The following PDILT variants were observed in gnomAD, a reference collection of about 807,000 sequenced individuals.
The protein encoded by PDILT is protein disulfide-isomerase-like protein of the testis.
PDILT carries 43 observed loss-of-function variants against 53.7 expected under a neutral mutation model. The observed-to-expected ratio is 0.80, with a 90% CI of 0.63 to 1.03. The LOEUF (loss-of-function observed/expected upper bound fraction) is 1.03. Ranked by LOEUF, PDILT falls within the 50% of genes least tolerant of loss-of-function variation. The pLI, the probability that PDILT is intolerant of heterozygous loss-of-function variation, is 0.00. For synonymous variants in PDILT, 282 were observed against 274.2 expected, an observed-to-expected ratio of 1.03 and a Z score of -0.28; for missense variants, 727 against 712.3, an observed-to-expected ratio of 1.02 and a Z score of -0.24.
chr16:20,397,334 G>A (rs1406128319), intron 2 of PDILT, among the ~76,000 whole-genome samples: 2 of 152,072 alleles, frequency 1.3e-5, no homozygotes, highest in African/African-American at 4.8e-5. Context: ...TAAAGATGGG[G>A]TTCTGCCATG....
intron 1 of PDILT, among the ~76,000 whole-genome samples, chr16:20,402,316 TGA>T (rs1317306374): frequency 6.6e-6 from 1 of 152,084 alleles, no homozygotes; most frequent in Non-Finnish European, 1.5e-5. Context: ...TCTTTTCTTT[TGA>T]GACAGGGTCT....
intron 1 of PDILT, among the ~76,000 whole-genome samples, chr16:20,401,773 C>CA (rs1966743741): frequency 6.6e-6 from 1 of 152,212 alleles, no homozygotes; most frequent in African/African-American, 2.4e-5. Flanking sequence ...AGCCTCTGAG[C>CA]AAAAGCCAGG....
rs116934735 is a variant in PDILT, at chr16:20,363,338, C to T, written c.1238-756G>A. On this transcript the variant is annotated intron_variant, in intron 9 of 11. Coordinates refer to ENST00000302451, the MANE Select transcript of PDILT (RefSeq NM_174924.2). ...GGCTTGTGCCACTGTGCCCAGCTTG[C>T]TTTTTTTCTTTTTTTCAAATTCCTT... Among the ~76,000 whole-genome samples the T allele has an allele frequency of 1.2e-3, 178 of 152,136 alleles. 1 individual carries two copies. In the East Asian group the frequency reaches 0.021, roughly 18 times the overall value.
At chr16:20,373,231 A>G in intron 5 of PDILT, 109 bp from the exon 6 acceptor site, 1 of 914,684 alleles carries the variant, frequency 1.1e-6, no homozygotes, top group South Asian at 1.5e-5. Flanking sequence ...AGCACTGAGG[A>G]ATGGTATCAG....
intron 7 of PDILT, among the ~76,000 whole-genome samples, chr16:20,370,382 C>T (rs28510439): frequency 0.12 from 18,229 of 152,108 alleles, 1,252 homozygotes; most frequent in African/African-American, 0.18. Context: ...GTAACTGCCC[C>T]GATGGGGTAA....
At chr16:20,395,484 G>A (rs1020718019) in intron 2 of PDILT, among the ~76,000 whole-genome samples, 2 of 152,336 alleles carry the variant, frequency 1.3e-5, no homozygotes, top group Admixed American at 6.5e-5. Flanking sequence ...TCAAGGATGA[G>A]GGAGTCAGAA....
At chr16:20,392,918 G>T (rs1778169006) in intron 2 of PDILT, among the ~76,000 whole-genome samples, 1 of 152,170 alleles carries the variant, frequency 6.6e-6, no homozygotes, top group Non-Finnish European at 1.5e-5. Context: ...ATTCTCATGT[G>T]GACTGGACAG....
Position 20,384,822 on chromosome 16 carries a change from A to G in PDILT, c.232T>C (p.Leu78=). The part of the protein sequence containing the change: ...HNPSSKQSRN[L]AEELGKAVEI... ...ACAGCTTTGCCCAGCTCTTCCGCCA[A>G]GTTCCTGGATTGCTTTGAGGATGGG... Residue 78 remains leucine, a synonymous_variant, in exon 3 of 12, where the codon TTG becomes CTG. Transcript: ENST00000302451. The G allele has an allele frequency of 1.9e-6, 3 of 1,614,174 alleles. No homozygotes were observed. The highest frequency in any genetic ancestry group is 2.5e-6 in the Non-Finnish European group (3 of 1,180,026).
intron 10 of PDILT, among the ~76,000 whole-genome samples, chr16:20,361,693 C>T (rs1966103128): frequency 6.6e-6 from 1 of 152,150 alleles, no homozygotes; most frequent in Admixed American, 6.5e-5. Flanking sequence ...CACCCTTCTG[C>T]CCACCTCTTT....
chr16:20,362,564 T>G lies in PDILT; in HGVS notation c.1256A>C (p.Lys419Thr). ...FVMFYAPWSKKCKMLFPLLEE... is the reference protein window; with the variant it reads ...FVMFYAPWSKTCKMLFPLLEE... Reference sequence around the variant, plus strand: ...CAACAGTGGGAACAGCATCTTGCACTTTTTAGACCAGGGTGCATCTGGAAG... The same window carrying G: ...CAACAGTGGGAACAGCATCTTGCACGTTTTAGACCAGGGTGCATCTGGAAG... Residue 419 changes from lysine to threonine, a missense_variant, in exon 10 of 12, where the codon AAG (lysine) becomes ACG (threonine). Lys to Thr is a moderately conservative substitution (Grantham distance 78). Transcript: ENST00000302451. 1 of 1,614,076 alleles carries G rather than the reference T, an allele frequency of 6.2e-7. No homozygotes were observed. Among genetic ancestry groups the G allele is most frequent in the Non-Finnish European group, 8.5e-7 (1 of 1,179,984 alleles).
At chr16:20,402,417 G>C (rs765671550) in intron 1 of PDILT, among the ~76,000 whole-genome samples, 3 of 152,070 alleles carry the variant, frequency 2.0e-5, no homozygotes, top group African/African-American at 7.2e-5. Context: ...TCCTGCCTCA[G>C]CCTCTGGAGT....
chr16:20,369,311 G>T (rs1966265379), intron 8 of PDILT, among the ~76,000 whole-genome samples, 181 bp downstream of exon 8: 1 of 152,214 alleles, frequency 6.6e-6, no homozygotes, highest in South Asian at 2.1e-4. Context: ...AAAGGCTTGG[G>T]ATAGGTCAGA....
chr16:20,369,266 C>T (rs950509134), intron 8 of PDILT, among the ~76,000 whole-genome samples: 11 of 152,182 alleles, frequency 7.2e-5, no homozygotes, highest in African/African-American at 2.7e-4. Context: ...AAAGGAAATG[C>T]CTCCACTTTA....
chr16:20,363,876 C>G (rs1456479210), intron 9 of PDILT, among the ~76,000 whole-genome samples: 1 of 152,086 alleles, frequency 6.6e-6, no homozygotes, highest in Non-Finnish European at 1.5e-5. Flanking sequence ...CCTCTGGAAA[C>G]CAGAGACCAG....
intron 5 of PDILT, 51 bp downstream of exon 5, chr16:20,374,771 C>T (rs1966358352): frequency 4.5e-6 from 7 of 1,563,024 alleles, no homozygotes; most frequent in Non-Finnish European, 6.1e-6. Context: ...TCATACGATT[C>T]CACTACTTTG....
At chr16:20,375,978 C>T in intron 4 of PDILT, 90 bp downstream of exon 4, 1 of 1,509,448 alleles carries the variant, frequency 6.6e-7, no homozygotes, top group Non-Finnish European at 8.9e-7. Context: ...ATTGGGCAAT[C>T]AAAACGGAAG....
intron 8 of PDILT, among the ~76,000 whole-genome samples, chr16:20,366,874 G>T (rs941604420): frequency 3.3e-5 from 5 of 151,956 alleles, no homozygotes; most frequent in African/African-American, 1.2e-4. Flanking sequence ...TTCTCTATAA[G>T]CAGGGCTCTA....
chr16:20,397,535 T>C (rs1405924796), intron 2 of PDILT, among the ~76,000 whole-genome samples: 1 of 152,160 alleles, frequency 6.6e-6, no homozygotes, highest in African/African-American at 2.4e-5. Context: ...GTCCAGTAAG[T>C]GGCAGAACTC....
chr16:20,399,339 A>G, intron 1 of PDILT, 32 bp from the exon 2 acceptor site: 2 of 1,606,730 alleles, frequency 1.2e-6, no homozygotes, highest in Non-Finnish European at 1.7e-6. Context: ...CAGAGACCTT[A>G]TCAACACAGG....
Sources: gnomAD v4.1 joint callset for allele counts (sites outside exome capture counted in the v4.1 genomes callset) on GRCh38, gnomAD v4.1.1 for gene constraint, MANE v1.5 for transcripts, NCBI Gene and HGNC (gene_info 2026-07-23, HGNC 2026-07-21) for gene names.